RNF145: variants seen among roughly 807,000 people sequenced by gnomAD.
RNF145 encodes ring finger protein 145.
RNF145 carries 12 observed loss-of-function variants against 57.3 expected under a neutral mutation model. That is an observed-to-expected ratio of 0.21 (90% CI 0.13 to 0.34). The LOEUF (loss-of-function observed/expected upper bound fraction) is 0.34. Ranked by LOEUF, RNF145 falls within the 10% of genes least tolerant of loss-of-function variation. The pLI is 1.00. For synonymous variants in RNF145, 262 were observed against 288.3 expected, an observed-to-expected ratio of 0.91 and a Z score of 0.92; for missense variants, 429 against 799.0, an observed-to-expected ratio of 0.54 and a Z score of 5.58.
At chr5:159,178,846 G>A (rs1349753755) in intron 4 of RNF145, among the ~76,000 whole-genome samples, 1 of 151,986 alleles carries the variant, frequency 6.6e-6, no homozygotes, top group African/African-American at 2.4e-5. Flanking sequence ...ATACAAAAAT[G>A]TCAACCATTT....
At chr5:159,208,963 G>A (rs532996343) in intron 1 of RNF145, among the ~76,000 whole-genome samples, 2 of 151,872 alleles carry the variant, frequency 1.3e-5, no homozygotes, top group East Asian at 2.0e-4. Context: ...GGGGCTTTGC[G>A]CGGGGCCCAG....
At chr5:159,175,600 C>T in intron 5 of RNF145, among the ~76,000 whole-genome samples, 1 of 152,122 alleles carries the variant, frequency 6.6e-6, no homozygotes, top group East Asian at 1.9e-4. Context: ...TATAACCCTT[C>T]CTGCCCTGCT....
At chr5:159,169,472 T>C (rs1308051611) in intron 7 of RNF145, among the ~76,000 whole-genome samples, 1 of 152,224 alleles carries the variant, frequency 6.6e-6, no homozygotes, top group Non-Finnish European at 1.5e-5. Context: ...ATATTCATCA[T>C]AATGTATTAA....
At chr5:159,165,935 T>C (rs1296377014) in intron 8 of RNF145, among the ~76,000 whole-genome samples, 1 of 152,184 alleles carries the variant, frequency 6.6e-6, no homozygotes, top group Non-Finnish European at 1.5e-5. Flanking sequence ...AACATTCTTC[T>C]ACATGTCTCC....
intron 8 of RNF145, among the ~76,000 whole-genome samples, chr5:159,168,459 T>C (rs1784452629): frequency 6.6e-6 from 1 of 152,164 alleles, no homozygotes; most frequent in South Asian, 2.1e-4. Flanking sequence ...TCTCCTTCAT[T>C]TGCATTTCAC....
At chr5:159,205,977 A>C (rs1365706783) in intron 1 of RNF145, among the ~76,000 whole-genome samples, 1 of 151,916 alleles carries the variant, frequency 6.6e-6, no homozygotes, top group African/African-American at 2.4e-5. Context: ...GGGAAGAAAA[A>C]CTCCCTAATC....
chr5:159,191,660 C>T (rs761793608), intron 3 of RNF145, among the ~76,000 whole-genome samples: 2 of 151,946 alleles, frequency 1.3e-5, no homozygotes, highest in Non-Finnish European at 1.5e-5. Flanking sequence ...GGCATGGTGG[C>T]GCATGCCTGT....
intron 3 of RNF145, among the ~76,000 whole-genome samples, chr5:159,186,509 A>C (rs759508631): frequency 3.9e-5 from 6 of 152,234 alleles, no homozygotes. Context: ...TTCACACAAA[A>C]GAGGTGTGCC....
rs1785937263 is a variant in RNF145, at chr5:159,207,563, T to A, written c.-40+1668A>T. On this transcript the variant is annotated intron_variant, in intron 1 of 10. Transcript: ENST00000424310. ...TCTTAAGAAAAGTAAATTTTCGGGC[T>A]GTCCATCGGTTAGGATGGTAGGCCT... The A allele has an allele frequency of 2.5e-6, 4 of 1,592,964 alleles. No individual in the cohort carries two copies. In the East Asian group the frequency reaches 8.9e-5, roughly 36 times the overall value.
Position 159,201,485 on chromosome 5 carries a change from C to T in RNF145, c.184+1949G>A, listed in dbSNP as rs145044342. On this transcript the variant is annotated intron_variant, in intron 2 of 10. Coordinates refer to ENST00000424310, the MANE Select transcript of RNF145 (RefSeq NM_001199383.2). ...TTCAATAAATTATGGTATATCCATA[C>T]GAAGATACTATGCCAACGTAAAATG... 3.2e-3 allele frequency among the ~76,000 whole-genome samples: 494 copies of T among 152,202 alleles called. 3 individuals carry two copies. The highest frequency in any genetic ancestry group is 0.011 in the African/African-American group (469 of 41,534).
At chr5:159,206,306 T>C (rs1424983714) in intron 1 of RNF145, among the ~76,000 whole-genome samples, 1 of 152,168 alleles carries the variant, frequency 6.6e-6, no homozygotes, top group Non-Finnish European at 1.5e-5. Context: ...AGCAAGTCAG[T>C]GGCAAGCTGG....
chr5:159,160,258 T>G (rs1784169045), intron 10 of RNF145, among the ~76,000 whole-genome samples: 1 of 152,154 alleles, frequency 6.6e-6, no homozygotes, highest in South Asian at 2.1e-4. Context: ...AACCCTACAT[T>G]ACTCCTCAGA....
intron 2 of RNF145, among the ~76,000 whole-genome samples, chr5:159,201,739 A>G (rs1785675441): frequency 1.3e-5 from 2 of 152,360 alleles, no homozygotes; most frequent in African/African-American, 4.8e-5. Context: ...ATATTTACTT[A>G]TATATACATA....
intron 5 of RNF145, among the ~76,000 whole-genome samples, chr5:159,174,675 T>G (rs938430703): frequency 6.6e-6 from 1 of 152,174 alleles, no homozygotes; most frequent in African/African-American, 2.4e-5. Context: ...TTAGCAAGTC[T>G]TTTTCTCCCA....
At chr5:159,163,832 C>A (rs184689712) in intron 8 of RNF145, among the ~76,000 whole-genome samples, 1 of 152,314 alleles carries the variant, frequency 6.6e-6, no homozygotes, top group East Asian at 1.9e-4. Context: ...TAACTGCCCT[C>A]TCAGCAAAAC....
intron 3 of RNF145, among the ~76,000 whole-genome samples, chr5:159,185,198 G>A (rs1422224535): frequency 1.3e-5 from 2 of 152,028 alleles, no homozygotes; most frequent in African/African-American, 4.8e-5. Context: ...TCACCAAAAA[G>A]CCCCACCTCA....
intron 3 of RNF145, among the ~76,000 whole-genome samples, chr5:159,183,625 A>G (rs1271869916): frequency 6.6e-6 from 1 of 152,244 alleles, no homozygotes; most frequent in African/African-American, 2.4e-5. Context: ...GTATTAATAC[A>G]AAGTATTTTA....
intron 8 of RNF145, among the ~76,000 whole-genome samples, 159 bp downstream of exon 8, chr5:159,168,714 T>C (rs908081441): frequency 2.0e-5 from 3 of 152,128 alleles, no homozygotes; most frequent in Non-Finnish European, 2.9e-5. Flanking sequence ...ACATCTCATA[T>C]AGGAAAAATA....
rs1029367420 is a variant in RNF145, at chr5:159,158,640, T to C, written c.*30A>G. 5 of 1,598,076 alleles carry C rather than the reference T, an allele frequency of 3.1e-6. No homozygotes were observed. Among genetic ancestry groups the C allele is most frequent in the Non-Finnish European group, 4.3e-6 (5 of 1,170,300 alleles). ...TCTTGAGTTAACTTCTCCTCCAGAGTATCAAAGCATCATTCCTGCTGCTTC... is the reference window on the plus strand; with the variant it reads ...TCTTGAGTTAACTTCTCCTCCAGAGCATCAAAGCATCATTCCTGCTGCTTC... On this transcript the variant is annotated 3_prime_UTR_variant, in exon 11 of 11. Transcript: ENST00000424310.
Sources: gnomAD v4.1 joint callset for allele counts (sites outside exome capture counted in the v4.1 genomes callset) on GRCh38, gnomAD v4.1.1 for gene constraint, MANE v1.5 for transcripts, NCBI Gene and HGNC (gene_info 2026-07-23, HGNC 2026-07-21) for gene names.